Variants in NEGR1 observed in about 807,000 individuals in gnomAD.
The protein encoded by NEGR1 is IgLON family member 4.
A neutral mutation model predicts 40.9 loss-of-function variants in NEGR1; 10 were observed. That is an observed-to-expected ratio of 0.24 (90% CI 0.15 to 0.42). The LOEUF (loss-of-function observed/expected upper bound fraction) is 0.42, where lower values mean the gene tolerates loss of function less well. Ranked by LOEUF, NEGR1 falls within the 10% of genes least tolerant of loss-of-function variation. The probability of loss-of-function intolerance (pLI) is 1.00; values close to 1 mark genes in which losing one functional copy is unlikely to be tolerated. For synonymous variants in NEGR1, 185 were observed against 166.8 expected (o/e 1.11, Z -0.84); for missense variants, 352 against 438.9 (o/e 0.80, Z 1.77).
intron 1 of NEGR1, among the ~76,000 whole-genome samples, chr1:71,968,265 C>A (rs145677519): frequency 6.6e-6 from 1 of 152,096 alleles, no homozygotes; most frequent in African/African-American, 2.4e-5. Flanking sequence ...GACACAGTAC[C>A]CTGCCAATGT....
chr1:71,535,115 C>CA (rs1234544491), intron 6 of NEGR1, among the ~76,000 whole-genome samples: 2 of 151,264 alleles, frequency 1.3e-5, no homozygotes, highest in Admixed American at 6.6e-5. Flanking sequence ...TTTTATAATT[C>CA]AAAAAAATGA....
intron 1 of NEGR1, among the ~76,000 whole-genome samples, chr1:71,990,302 C>T (rs181731727): frequency 2.5e-3 from 373 of 152,208 alleles, no homozygotes; most frequent in Non-Finnish European, 4.2e-3. Context: ...ATTATGAATT[C>T]TTCAATAACA....
chr1:71,846,366 A>G (rs1659408984), intron 2 of NEGR1, among the ~76,000 whole-genome samples: 2 of 143,830 alleles, frequency 1.4e-5, no homozygotes, highest in South Asian at 4.4e-4. Context: ...CAGCACTACA[A>G]ATACCCACCC....
At chr1:71,660,887 T>C (rs1422522445) in intron 4 of NEGR1, among the ~76,000 whole-genome samples, 1 of 152,110 alleles carries the variant, frequency 6.6e-6, no homozygotes, top group Non-Finnish European at 1.5e-5. Flanking sequence ...TGTGTGATGT[T>C]CCCCTCTCTG....
At chr1:71,657,248 T>C (rs1416641084) in intron 4 of NEGR1, among the ~76,000 whole-genome samples, 4 of 152,226 alleles carry the variant, frequency 2.6e-5, no homozygotes, top group African/African-American at 4.8e-5. Context: ...TAACAATGGT[T>C]CAAAGGGATT....
At chr1:71,526,046 G>C (rs991347227) in intron 6 of NEGR1, among the ~76,000 whole-genome samples, 1 of 151,444 alleles carries the variant, frequency 6.6e-6, no homozygotes, top group Admixed American at 6.6e-5. Context: ...GAGAAACAGA[G>C]ATTAGAAAGC....
chr1:71,860,754 A>T (rs566917488), intron 2 of NEGR1, among the ~76,000 whole-genome samples: 1 of 152,214 alleles, frequency 6.6e-6, no homozygotes, highest in East Asian at 1.9e-4. Context: ...TGGAGATTTA[A>T]ATTACATCTC....
chr1:72,019,661 A>G (rs1187051268), intron 1 of NEGR1, among the ~76,000 whole-genome samples: 3 of 152,206 alleles, frequency 2.0e-5, no homozygotes, highest in African/African-American at 7.2e-5. Context: ...TTCTCTTTTT[A>G]TAAAAGCTGA....
At chr1:71,482,115 G>C (rs1413976430) in intron 6 of NEGR1, among the ~76,000 whole-genome samples, 1 of 151,686 alleles carries the variant, frequency 6.6e-6, no homozygotes, top group African/African-American at 2.4e-5. Context: ...TTAAACCCCT[G>C]CTTATTTTTT....
At chr1:71,942,761 C>CA (rs1369367924) in intron 1 of NEGR1, among the ~76,000 whole-genome samples, 1 of 147,022 alleles carries the variant, frequency 6.8e-6, no homozygotes, top group African/African-American at 2.5e-5. Context: ...CTCGGCCTCC[C>CA]AAAGTGCTGG....
intron 6 of NEGR1, among the ~76,000 whole-genome samples, chr1:71,500,289 T>C (rs1393187211): frequency 6.6e-6 from 1 of 152,008 alleles, no homozygotes; most frequent in African/African-American, 2.4e-5. Context: ...AATAAAGCTA[T>C]GTACGGCCAA....
chr1:72,179,431 G>A (rs1652286756), intron 1 of NEGR1, among the ~76,000 whole-genome samples: 1 of 151,952 alleles, frequency 6.6e-6, no homozygotes, highest in Non-Finnish European at 1.5e-5. Context: ...TTGTTACATA[G>A]TATTCTTGTG....
intron 2 of NEGR1, among the ~76,000 whole-genome samples, chr1:71,832,577 C>T (rs1658877602): frequency 1.3e-5 from 2 of 151,978 alleles, no homozygotes; most frequent in Admixed American, 1.3e-4. Context: ...TAAACCATAA[C>T]AAAACATCAA....
intron 1 of NEGR1, among the ~76,000 whole-genome samples, chr1:72,094,418 C>T (rs1412579810): frequency 6.6e-6 from 1 of 152,112 alleles, no homozygotes; most frequent in Non-Finnish European, 1.5e-5. Context: ...AATGAAGTCC[C>T]TATTCTCTGT....
chr1:71,990,918 A>AT (rs57277556), intron 1 of NEGR1, among the ~76,000 whole-genome samples: 5,629 of 104,194 alleles, frequency 0.054, 114 homozygotes, highest in East Asian at 0.14. Context: ...ATATATATAT[A>AT]TTTTTTTTTT....
intron 1 of NEGR1, among the ~76,000 whole-genome samples, chr1:72,031,906 T>C (rs1035885437): frequency 6.6e-6 from 1 of 152,126 alleles, no homozygotes; most frequent in Non-Finnish European, 1.5e-5. Context: ...TTGTGGAATA[T>C]CCAAGATGTG....
intron 1 of NEGR1, among the ~76,000 whole-genome samples, chr1:72,259,025 A>G (rs530461618): frequency 1.3e-5 from 2 of 152,256 alleles, no homozygotes; most frequent in South Asian, 4.1e-4. Flanking sequence ...TTTTCTGCTG[A>G]CTTCCAAGCC....
At chr1:72,058,817 AT>A (rs1275857345) in intron 1 of NEGR1, among the ~76,000 whole-genome samples, 16 of 151,802 alleles carry the variant, frequency 1.1e-4, no homozygotes, top group Admixed American at 5.3e-4. Flanking sequence ...TATGAAAAGA[AT>A]TAAAATGTTC....
chr1:72,257,576 T>C (rs1186533827), intron 1 of NEGR1, among the ~76,000 whole-genome samples: 1 of 152,186 alleles, frequency 6.6e-6, no homozygotes, highest in Non-Finnish European at 1.5e-5. Context: ...TATATTTATT[T>C]CCTTTTTATA....
Sources: allele counts gnomAD v4.1 joint callset (sites outside exome capture counted in the v4.1 genomes callset), GRCh38; gene constraint gnomAD v4.1.1; transcripts MANE v1.5; gene names NCBI Gene and HGNC (gene_info 2026-07-23, HGNC 2026-07-21).